Variants in SCX observed in about 807,000 individuals in gnomAD.
The protein encoded by SCX is scleraxis bHLH transcription factor.
A neutral mutation model predicts 12.2 loss-of-function variants in SCX; 7 were observed. The ratio of observed to expected loss-of-function variants is 0.57; its 90% CI spans 0.33 to 1.08. The LOEUF (loss-of-function observed/expected upper bound fraction) is 1.08, where lower values mean the gene tolerates loss of function less well. SCX is among the 50% of genes least tolerant of loss of function. The probability of loss-of-function intolerance (pLI) is 0.04; values close to 1 mark genes in which losing one functional copy is unlikely to be tolerated. For synonymous variants in SCX, 193 were observed against 163.9 expected, an observed-to-expected ratio of 1.18 and a Z score of -1.36; for missense variants, 342 against 337.2, an observed-to-expected ratio of 1.01 and a Z score of -0.11.
chr8:144,268,265 C>A lies in SCX; in HGVS notation c.*123C>A. 1 of 1,413,348 alleles carries A rather than the reference C, an allele frequency of 7.1e-7. No individual in the cohort carries two copies. Among genetic ancestry groups the A allele is most frequent in the Admixed American group, 2.1e-5 (1 of 48,316 alleles). The allele number at this position is 1,413,348 out of a possible 1,614,324, so 87.6% of individuals were successfully genotyped here. A position where few individuals can be genotyped will look rare whatever the true frequency, so the allele number is the denominator to read the frequency against. On this transcript the variant is annotated 3_prime_UTR_variant, in exon 2 of 2. Coordinates refer to ENST00000567180, the MANE Select transcript of SCX (RefSeq NM_001080514.3). ...GGCCCACCGCAAGCATGCCCCCAGGCCAGCCCTGGCTGCGAGCGGGGCCGA... is the reference window on the plus strand; with the variant it reads ...GGCCCACCGCAAGCATGCCCCCAGGACAGCCCTGGCTGCGAGCGGGGCCGA...
At position 144,266,485 on chromosome 8, in the gene SCX, G is replaced by T; in HGVS notation, c.-129G>T. 4 of 985,608 alleles carry T rather than the reference G, an allele frequency of 4.1e-6. No individual in the cohort carries two copies. The South Asian group carries it at 1.4e-4, about 34-fold the overall frequency. 61.1% of individuals were successfully genotyped at this position (985,608 alleles called of 1,614,324 possible). ...GACGCACATGTGCGCGCGACGCCCGGCAGCTGCCACCGCGGGGCGCAGCCG... is the reference window on the plus strand; with the variant it reads ...GACGCACATGTGCGCGCGACGCCCGTCAGCTGCCACCGCGGGGCGCAGCCG... On this transcript the variant is annotated 5_prime_UTR_variant, in exon 1 of 2. Coordinates refer to ENST00000567180, the MANE Select transcript of SCX (RefSeq NM_001080514.3).
chr8:144,266,712 G>A lies in SCX; in HGVS notation c.99G>A (p.Ser33=), dbSNP rs1409780403. ...SEDEDRGSDS[S]GSDEKPCRVH... is the part of the protein sequence containing the mutation. ...ACGAGGACCGCGGCAGCGACAGCTC[G>A]GGCTCCGACGAGAAACCCTGTCGCG... is the stretch of plus-strand genomic sequence containing the variant. Residue 33 remains serine (S), a synonymous_variant, in exon 1 of 2, where the codon TCG becomes TCA. Coordinates refer to ENST00000567180, the MANE Select transcript of SCX (RefSeq NM_001080514.3). 8.2e-7 allele frequency: 1 copy of A among 1,212,782 alleles called. No individual in the cohort carries two copies. 75.1% of individuals were successfully genotyped at this position (1,212,782 alleles called of 1,614,324 possible). A position where few individuals can be genotyped will look rare whatever the true frequency, so the allele number is the denominator to read the frequency against.
At chr8:144,267,768 GC>G (rs1466997968) in intron 1 of SCX, among the ~76,000 whole-genome samples, 1 of 152,222 alleles carries the variant, frequency 6.6e-6, no homozygotes, top group East Asian at 1.9e-4. Flanking sequence ...GGAGACGCTG[GC>G]CAGCTGTGAT....
Position 144,266,532 on chromosome 8 carries a change from C to G in SCX, c.-82C>G. On this transcript the variant is annotated 5_prime_UTR_variant, in exon 1 of 2. Transcript: ENST00000567180. Reference sequence around the variant, plus strand: ...GCCGAGACCCCGCGCCTCGCCCCGGCCGGCCCGCGAGGCCCGCGGCGGCCG... The same window carrying G: ...GCCGAGACCCCGCGCCTCGCCCCGGGCGGCCCGCGAGGCCCGCGGCGGCCG... 1 of 992,500 alleles carries G rather than the reference C, an allele frequency of 1.0e-6. No individual in the cohort carries two copies. Among genetic ancestry groups the G allele is most frequent in the Non-Finnish European group, 1.2e-6 (1 of 835,792 alleles). The allele number at this position is 992,500 out of a possible 1,614,324, so 61.5% of individuals were successfully genotyped here.
chr8:144,268,006 C>T (rs898659958), intron 1 of SCX, 98 bp from the exon 2 acceptor site: 62 of 1,531,248 alleles, frequency 4.0e-5, no homozygotes, highest in Middle Eastern at 4.5e-4. Flanking sequence ...GGTGCCTTGG[C>T]GCTGGCCACC....
chr8:144,267,681 T>A (rs1466861305), intron 1 of SCX, among the ~76,000 whole-genome samples: 7 of 152,048 alleles, frequency 4.6e-5, no homozygotes, highest in Non-Finnish European at 1.0e-4. Flanking sequence ...CCTGTAGGGC[T>A]GCCCGAGACG....
In SCX at chr8:144,266,802, C is replaced by CGGGGGGCCA. The variant is rs1430050938; in HGVS notation, c.195_203dup (p.Pro66_Gly68dup). 1 of 1,110,722 alleles carries CGGGGGGCCA rather than the reference C, an allele frequency of 9.0e-7. No individual in the cohort carries two copies. Among genetic ancestry groups the CGGGGGGCCA allele is most frequent in the Non-Finnish European group, 1.1e-6 (1 of 905,954 alleles). The allele number at this position is 1,110,722 out of a possible 1,614,324, so 68.8% of individuals were successfully genotyped here. On this transcript the variant is annotated inframe_insertion, in exon 1 of 2. Coordinates refer to ENST00000567180, the MANE Select transcript of SCX (RefSeq NM_001080514.3). ...GGGCGGGGGGCCGGCGGGCCGGGGG[C>CGGGGGGCCA]GGGGGGCCAGGGGGCCGGCCAGGCC...
rs1845390307 is a variant in SCX, at chr8:144,267,099, C to CCCGCCGCCT, written c.489_497dup (p.Pro164_Pro166dup). 7.0e-7 allele frequency: 1 copy of CCCGCCGCCT among 1,431,962 alleles called. No individual in the cohort carries two copies. The highest frequency in any genetic ancestry group is 9.1e-7 in the Non-Finnish European group (1 of 1,103,554). The allele number at this position is 1,431,962 out of a possible 1,614,324, so 88.7% of individuals were successfully genotyped here. ...GCGCCGGCAGCCCCCCGCCGCCGCC[C>CCCGCCGCCT]CCGCCGCCTCCCGCCCGCGACGGCG... On this transcript the variant is annotated inframe_insertion, in exon 1 of 2. Coordinates refer to ENST00000567180, the MANE Select transcript of SCX (RefSeq NM_001080514.3).
chr8:144,266,768 C>G lies in SCX; in HGVS notation c.155C>G (p.Ala52Gly). 1 of 1,073,822 alleles carries G rather than the reference C, an allele frequency of 9.3e-7. No homozygotes were observed. Among genetic ancestry groups the G allele is most frequent in the Non-Finnish European group, 1.1e-6 (1 of 887,660 alleles). The allele number at this position is 1,073,822 out of a possible 1,614,324, so 66.5% of individuals were successfully genotyped here. ...VHAARCGLQGARRRAGGRRAG... is the reference protein window; with the variant it reads ...VHAARCGLQGGRRRAGGRRAG... ...GCGGCGCGCTGCGGCCTCCAGGGCGCCCGGCGGAGGGCGGGGGGCCGGCGG... is the reference window on the plus strand; with the variant it reads ...GCGGCGCGCTGCGGCCTCCAGGGCGGCCGGCGGAGGGCGGGGGGCCGGCGG... The change falls in exon 1 of 2, where the codon GCC (alanine) becomes GGC (glycine). Residue 52 changes from alanine (A) to glycine (G), a missense_variant. Physicochemically the swap from Ala to Gly is moderately conservative, Grantham distance 60. Coordinates refer to ENST00000567180, the MANE Select transcript of SCX (RefSeq NM_001080514.3).
At position 144,268,144 on chromosome 8, in the gene SCX, A is replaced by C. The variant is rs1457179844; in HGVS notation, c.*2A>C. 4 of 1,551,244 alleles carry C rather than the reference A, an allele frequency of 2.6e-6. No individual in the cohort carries two copies. Among genetic ancestry groups the C allele is most frequent in the Middle Eastern group, 3.6e-4 (2 of 5,524 alleles). ...AGAAAGACAGCGATTCGCAGTTAGG[A>C]GGTGGCCGGCAGCAGCCAGGAGGCA... On this transcript the variant is annotated 3_prime_UTR_variant, in exon 2 of 2. Coordinates refer to ENST00000567180, the MANE Select transcript of SCX (RefSeq NM_001080514.3).
intron 1 of SCX, among the ~76,000 whole-genome samples, chr8:144,267,694 G>A (rs1237937826): frequency 6.6e-6 from 1 of 152,072 alleles, no homozygotes; most frequent in African/African-American, 2.4e-5. Flanking sequence ...CCGAGACGTG[G>A]GCCATGGGAC....
Position 144,266,617 on chromosome 8 carries a change from T to C in SCX, c.4T>C (p.Ser2Pro), listed in dbSNP as rs1433991535. M[S>P]FATLRPAPPG... ...ACGCCGCGCCCCCGCCGGCCCCATGTCCTTCGCCACGCTGCGCCCGGCGCC... is the reference window on the plus strand; with the variant it reads ...ACGCCGCGCCCCCGCCGGCCCCATGCCCTTCGCCACGCTGCGCCCGGCGCC... The change falls in exon 1 of 2, where the codon TCC becomes CCC. Residue 2 changes from serine (S) to proline (P), a missense_variant. Ser to Pro is a moderately conservative substitution (Grantham distance 74). Coordinates refer to ENST00000567180, the MANE Select transcript of SCX (RefSeq NM_001080514.3). The C allele has an allele frequency of 3.3e-6, 4 of 1,206,112 alleles. No individual in the cohort carries two copies. The highest frequency in any genetic ancestry group is 4.2e-6 in the Non-Finnish European group (4 of 953,106). 74.7% of individuals were successfully genotyped at this position (1,206,112 alleles called of 1,614,324 possible).
In SCX at chr8:144,267,265, CGGGCA is replaced by C. The variant is rs1845395939; in HGVS notation, c.567+90_567+94del. 9 of 1,395,450 alleles carry C rather than the reference CGGGCA, an allele frequency of 6.4e-6. No homozygotes were observed. In the South Asian group the frequency reaches 1.2e-4, roughly 19 times the overall value. 86.4% of individuals were successfully genotyped at this position (1,395,450 alleles called of 1,614,324 possible). On this transcript the variant is annotated intron_variant, in intron 1 of 1. Coordinates refer to ENST00000567180, the MANE Select transcript of SCX (RefSeq NM_001080514.3). The stretch of plus-strand genomic sequence containing the variant: ...GCCAGGCAGAGGAGGCGAGGCCACA[CGGGCA>C]GGGCTCCCCAACAGGGCACAGGCAG...
At chr8:144,267,375 C>T (rs1173041955) in intron 1 of SCX, among the ~76,000 whole-genome samples, 195 bp downstream of exon 1, 2 of 152,082 alleles carry the variant, frequency 1.3e-5, no homozygotes, top group Non-Finnish European at 2.9e-5. Context: ...GGACACTCGG[C>T]TCCCAGTGGA....
At position 144,266,501 on chromosome 8, in the gene SCX, G is replaced by A. The variant is rs1845368162; in HGVS notation, c.-113G>A. 40 of 987,554 alleles carry A rather than the reference G, an allele frequency of 4.1e-5. No individual in the cohort carries two copies. The highest frequency in any genetic ancestry group is 4.7e-5 in the Non-Finnish European group (39 of 832,360). 61.2% of individuals were successfully genotyped at this position (987,554 alleles called of 1,614,324 possible). A position where few individuals can be genotyped will look rare whatever the true frequency, so the allele number is the denominator to read the frequency against. ...CGACGCCCGGCAGCTGCCACCGCGG[G>A]GCGCAGCCGAGACCCCGCGCCTCGC... On this transcript the variant is annotated 5_prime_UTR_variant, in exon 1 of 2. Transcript: ENST00000567180.
Position 144,268,230 on chromosome 8 carries a change from A to G in SCX, c.*88A>G. 1 of 1,531,034 alleles carries G rather than the reference A, an allele frequency of 6.5e-7. No homozygotes were observed. Among genetic ancestry groups the G allele is most frequent in the Non-Finnish European group, 8.8e-7 (1 of 1,132,590 alleles). 94.8% of individuals were successfully genotyped at this position (1,531,034 alleles called of 1,614,324 possible). ...GCAGACAGCCCCCACCTTGGACCTG[A>G]GCTGGGCAAGGCCCACCGCAAGCAT... is the stretch of plus-strand genomic sequence containing the variant. On this transcript the variant is annotated 3_prime_UTR_variant, in exon 2 of 2. Transcript: ENST00000567180.
Position 144,266,954 on chromosome 8 carries a change from T to A in SCX, c.341T>A (p.Ile114Asn). ...CCCGCCGACCGCAAGCTCTCCAAGA[T>A]TGAGACGCTGCGCCTGGCCTCCAGC... The part of the protein sequence containing the change: ...TEPADRKLSK[I>N]ETLRLASSYI... Residue 114 changes from isoleucine (I) to asparagine (N), a missense_variant, in exon 1 of 2, where the codon ATT becomes AAT. Transcript: ENST00000567180. 2 of 1,559,630 alleles carry A rather than the reference T, an allele frequency of 1.3e-6. No homozygotes were observed. Among genetic ancestry groups the A allele is most frequent in the Non-Finnish European group, 1.7e-6 (2 of 1,158,942 alleles).
At chr8:144,267,398 C>CT (rs1203588631) in intron 1 of SCX, among the ~76,000 whole-genome samples, 2 of 152,154 alleles carry the variant, frequency 1.3e-5, no homozygotes, top group Non-Finnish European at 1.5e-5. Flanking sequence ...GTGGAGTCCC[C>CT]TGCAGGGAGC....
At position 144,267,049 on chromosome 8, in the gene SCX, G is replaced by A. The variant is rs1404337174; in HGVS notation, c.436G>A (p.Gly146Arg). The A allele has an allele frequency of 6.7e-6, 10 of 1,495,410 alleles. No homozygotes were observed. The highest frequency in any genetic ancestry group is 2.9e-5 in the African/African-American group (2 of 68,958). The allele number at this position is 1,495,410 out of a possible 1,614,324, so 92.6% of individuals were successfully genotyped here. The change falls in exon 1 of 2, where the codon GGG (glycine) becomes AGG (arginine). Residue 146 changes from glycine to arginine, a missense_variant. Around this residue, in one of 3 missense-constraint regions of SCX, gnomAD observed 161 missense variants for 155.7 expected, o/e 1.03. Transcript: ENST00000567180. The part of the protein sequence containing the change: ...ACGDGQPCHS[G>R]PAFFHAARAG... Reference sequence around the variant, plus strand: ...CGGCGACGGACAGCCCTGCCACTCCGGGCCCGCCTTCTTCCACGCGGCGCG... The same window carrying A: ...CGGCGACGGACAGCCCTGCCACTCCAGGCCCGCCTTCTTCCACGCGGCGCG...
Sources: gnomAD v4.1 joint callset for allele counts (sites outside exome capture counted in the v4.1 genomes callset) on GRCh38, gnomAD v4.1.1 for gene constraint, gnomAD v4.1.1 regional missense constraint, MANE v1.5 for transcripts, NCBI Gene and HGNC (gene_info 2026-07-23, HGNC 2026-07-21) for gene names.